Variants in UBE3C observed in about 807,000 individuals in gnomAD.
UBE3C encodes the protein ubiquitin-protein ligase E3C.
A neutral mutation model predicts 129.4 loss-of-function variants in UBE3C; 42 were observed. The ratio of observed to expected loss-of-function variants is 0.32; its 90% CI spans 0.25 to 0.42. The LOEUF (loss-of-function observed/expected upper bound fraction) is 0.42, where lower values mean the gene tolerates loss of function less well. Among genes scored for constraint, UBE3C ranks in the 10% least tolerant of loss-of-function variants. UBE3C has a pLI of 1.00. For synonymous variants in UBE3C, 510 were observed against 492.4 expected, an observed-to-expected ratio of 1.04 and a Z score of -0.47; for missense variants, 1,049 against 1,319.1, an observed-to-expected ratio of 0.80 and a Z score of 3.17.
intron 13 of UBE3C, among the ~76,000 whole-genome samples, chr7:157,214,001 ACCAT>A (rs1809666132): frequency 6.6e-6 from 1 of 152,166 alleles, no homozygotes; most frequent in Non-Finnish European, 1.5e-5. Flanking sequence ...TGTTTATTAA[ACCAT>A]CCATTACCAC....
intron 5 of UBE3C, among the ~76,000 whole-genome samples, chr7:157,175,962 C>G (rs931984984): frequency 1.3e-5 from 2 of 152,098 alleles, no homozygotes; most frequent in Non-Finnish European, 2.9e-5. Context: ...CTTTTGCTTA[C>G]AACTCTTTAA....
chr7:157,146,429 G>A (rs1586641038), intron 1 of UBE3C, among the ~76,000 whole-genome samples: 1 of 151,906 alleles, frequency 6.6e-6, no homozygotes, highest in Non-Finnish European at 1.5e-5. Flanking sequence ...CACCATGTTG[G>A]TCAGGCTGGT....
intron 1 of UBE3C, among the ~76,000 whole-genome samples, chr7:157,147,124 A>G (rs990186176): frequency 2.6e-5 from 4 of 152,226 alleles, no homozygotes; most frequent in Admixed American, 2.6e-4. Context: ...CAAGTTGGGA[A>G]AAACTAAAAT....
chr7:157,153,140 G>A (rs1274841068), intron 1 of UBE3C, among the ~76,000 whole-genome samples: 1 of 152,204 alleles, frequency 6.6e-6, no homozygotes, highest in African/African-American at 2.4e-5. Context: ...AGAGGTTGCA[G>A]TGAGCAGAGA....
intron 15 of UBE3C, chr7:157,222,598 A>T (rs1361415782): frequency 6.6e-6 from 1 of 151,898 alleles, no homozygotes; most frequent in African/African-American, 2.4e-5. Context: ...TTTTAAAAAA[A>T]TTTTCTTCGT....
At chr7:157,189,759 T>A (rs1383053925) in intron 10 of UBE3C, among the ~76,000 whole-genome samples, 2 of 149,514 alleles carry the variant, frequency 1.3e-5, no homozygotes, top group Non-Finnish European at 3.0e-5. Flanking sequence ...TTTTTTCTCC[T>A]CTTTCTCACT....
rs768839052 is a variant in UBE3C, at chr7:157,170,397, T to A, written c.289T>A (p.Leu97Met). ...PIANGPNLTLLVRQLLFFYKQ... is the reference protein window; with the variant it reads ...PIANGPNLTLMVRQLLFFYKQ... ...TGCTAATGGCCCCAACCTTACCCTT[T>A]TGGTAAGGCAGCTTCTGTTTTTTTA... is the stretch of plus-strand genomic sequence containing the variant. The change falls in exon 4 of 23, where the codon TTG becomes ATG. Residue 97 changes from leucine (L) to methionine (M), a missense_variant. Physicochemically the swap from Leu to Met is conservative, Grantham distance 15. Around this residue, in one of 4 missense-constraint regions of UBE3C, gnomAD observed 489 missense variants for 513.8 expected, o/e 0.95. Coordinates refer to ENST00000348165, the MANE Select transcript of UBE3C (RefSeq NM_014671.3). The A allele has an allele frequency of 6.3e-7, 1 of 1,574,824 alleles. No homozygotes were observed. Among genetic ancestry groups the A allele is most frequent in the Non-Finnish European group, 8.6e-7 (1 of 1,162,614 alleles).
chr7:157,263,594 G>A (rs1423145407), intron 22 of UBE3C, among the ~76,000 whole-genome samples: 1 of 151,532 alleles, frequency 6.6e-6, no homozygotes, highest in Non-Finnish European at 1.5e-5. Flanking sequence ...AACCTGGGAG[G>A]CAGAGGTTGC....
At chr7:157,187,171 A>C in intron 10 of UBE3C, 150 bp downstream of exon 10, 1 of 1,069,896 alleles carries the variant, frequency 9.3e-7, no homozygotes, top group African/African-American at 1.6e-5. Context: ...CATAAAAAAT[A>C]ATTTGTGTTT....
intron 18 of UBE3C, 93 bp from the exon 19 acceptor site, chr7:157,248,275 G>A: frequency 8.7e-7 from 1 of 1,145,782 alleles, no homozygotes; most frequent in Non-Finnish European, 1.3e-6. Flanking sequence ...TGCTCTCTTA[G>A]GATTGGGTTT....
At chr7:157,195,049 A>C (rs1809078659) in intron 10 of UBE3C, among the ~76,000 whole-genome samples, 1 of 152,228 alleles carries the variant, frequency 6.6e-6, no homozygotes, top group Non-Finnish European at 1.5e-5. Flanking sequence ...TTCTCTAGAG[A>C]AAGTGATGAA....
At chr7:157,145,201 A>G (rs1807570795) in intron 1 of UBE3C, among the ~76,000 whole-genome samples, 1 of 152,124 alleles carries the variant, frequency 6.6e-6, no homozygotes, top group African/African-American at 2.4e-5. Flanking sequence ...GGATTGTGCC[A>G]GCGCATTCCA....
At position 157,182,135 on chromosome 7, in the gene UBE3C, G is replaced by A. The variant is rs770948332; in HGVS notation, c.798G>A (p.Glu266=). 1 of 1,590,594 alleles carries A rather than the reference G, an allele frequency of 6.3e-7. No individual in the cohort carries two copies. Among genetic ancestry groups the A allele is most frequent in the South Asian group, 1.2e-5 (1 of 85,776 alleles). Residue 266 remains glutamate, a synonymous_variant, in exon 8 of 23, where the codon GAG becomes GAA. Coordinates refer to ENST00000348165, the MANE Select transcript of UBE3C (RefSeq NM_014671.3). Reference sequence around the variant, plus strand: ...AACAAGTTTTTACAGCCTTCACAGAGGAGTTTCTGGCAGCACCTTTTACAG... The same window carrying A: ...AACAAGTTTTTACAGCCTTCACAGAAGAGTTTCTGGCAGCACCTTTTACAG... ...ARQQVFTAFT[E]EFLAAPFTDQ... is the part of the protein sequence containing the mutation.
intron 5 of UBE3C, among the ~76,000 whole-genome samples, chr7:157,176,036 T>C (rs993968670): frequency 2.0e-5 from 3 of 152,226 alleles, no homozygotes; most frequent in African/African-American, 7.2e-5. Context: ...TGGTTTGGCC[T>C]GTGGGTTGTA....
At chr7:157,145,960 C>G (rs1009724946) in intron 1 of UBE3C, among the ~76,000 whole-genome samples, 3 of 152,146 alleles carry the variant, frequency 2.0e-5, no homozygotes, top group Non-Finnish European at 4.4e-5. Context: ...GATCTTGCTT[C>G]TCGCGTTGTG....
chr7:157,230,213 AT>A (rs1795985652), intron 17 of UBE3C, among the ~76,000 whole-genome samples: 1 of 152,038 alleles, frequency 6.6e-6, no homozygotes, highest in African/African-American at 2.4e-5. Context: ...CCTGGCCTTA[AT>A]TTACTCTTCG....
chr7:157,267,353 C>A (rs943016879), intron 22 of UBE3C, among the ~76,000 whole-genome samples: 1 of 152,162 alleles, frequency 6.6e-6, no homozygotes, highest in African/African-American at 2.4e-5. Context: ...ACCTGGGAGG[C>A]AGAGGTTGCA....
intron 11 of UBE3C, among the ~76,000 whole-genome samples, chr7:157,206,059 A>G (rs1809424425): frequency 6.6e-6 from 1 of 152,122 alleles, no homozygotes; most frequent in Non-Finnish European, 1.5e-5. Context: ...ATTTGGGGAG[A>G]TAAGAGAGTG....
chr7:157,165,952 G>A lies in UBE3C; in HGVS notation c.120+2089G>A, dbSNP rs113070668. On this transcript the variant is annotated intron_variant, in intron 2 of 22. Coordinates refer to ENST00000348165, the MANE Select transcript of UBE3C (RefSeq NM_014671.3). The stretch of plus-strand genomic sequence containing the variant: ...AGCTGCTTTTCTTTTGATGCTTTTA[G>A]AATTCAGTCTTTATCTTTGACTTTA... 5.0e-3 allele frequency among the ~76,000 whole-genome samples: 762 copies of A among 152,216 alleles called. 4 individuals are homozygous for A. The highest frequency in any genetic ancestry group is 8.5e-3 in the African/African-American group (355 of 41,536).
Sources: allele counts gnomAD v4.1 joint callset (sites outside exome capture counted in the v4.1 genomes callset), GRCh38; gene constraint gnomAD v4.1.1; regional missense constraint gnomAD v4.1.1; transcripts MANE v1.5; gene names NCBI Gene and HGNC (gene_info 2026-07-23, HGNC 2026-07-21).